Variants in SLC6A5 observed in about 807,000 individuals in gnomAD.
SLC6A5 encodes solute carrier family 6 member 5.
In SLC6A5, 58 loss-of-function variants were observed where a neutral mutation model predicts 90.5. The ratio of observed to expected loss-of-function variants is 0.64; its 90% CI spans 0.52 to 0.80. The LOEUF is 0.80. SLC6A5 is among the 30% of genes least tolerant of loss of function. The pLI, the probability that SLC6A5 is intolerant of heterozygous loss-of-function variation, is 0.00. For synonymous variants in SLC6A5, 427 were observed against 401.4 expected, an observed-to-expected ratio of 1.06 and a Z score of -0.76; for missense variants, 1,015 against 1,017.6, an observed-to-expected ratio of 1.00 and a Z score of 0.03.
intron 8 of SLC6A5, among the ~76,000 whole-genome samples, 162 bp downstream of exon 8, chr11:20,627,004 A>G (rs2133798892): frequency 6.6e-6 from 1 of 152,288 alleles, no homozygotes; most frequent in East Asian, 1.9e-4. Context: ...TTTAATGAGA[A>G]GTGGACAACT....
rs536044398 is a variant in SLC6A5, at chr11:20,655,818, T to C, written c.*950T>C. On this transcript the variant is annotated 3_prime_UTR_variant, in exon 16 of 16. Coordinates refer to ENST00000525748, the MANE Select transcript of SLC6A5 (RefSeq NM_004211.5). Reference sequence around the variant, plus strand: ...TGGTTCTGTCTATATATTATATATATAGGACACATGCTCTTAAAAGACAGA... The same window carrying C: ...TGGTTCTGTCTATATATTATATATACAGGACACATGCTCTTAAAAGACAGA... The C allele has an allele frequency of 1.3e-5, 2 of 152,342 alleles. No homozygotes were observed. Among genetic ancestry groups the C allele is most frequent in the Non-Finnish European group, 1.5e-5 (1 of 68,020 alleles). 9.4% of individuals were successfully genotyped at this position (152,342 alleles called of 1,614,324 possible).
chr11:20,646,729 C>A (rs1853421989), intron 13 of SLC6A5, 105 bp from the exon 14 acceptor site: 1 of 786,106 alleles, frequency 1.3e-6, no homozygotes, highest in Admixed American at 1.9e-5. Context: ...CTGGGGCCAG[C>A]CCTAGCCAAT....
intron 10 of SLC6A5, among the ~76,000 whole-genome samples, chr11:20,632,425 G>A (rs1007976010): frequency 2.0e-5 from 3 of 152,192 alleles, no homozygotes; most frequent in Admixed American, 6.5e-5. Context: ...TGTTTATCTG[G>A]TGTGTAAAAT....
chr11:20,612,228 A>G (rs1357309813), intron 5 of SLC6A5, among the ~76,000 whole-genome samples: 1 of 152,068 alleles, frequency 6.6e-6, no homozygotes, highest in African/African-American at 2.4e-5. Context: ...GACTAGAGAT[A>G]CTCTCTCCAG....
intron 14 of SLC6A5, among the ~76,000 whole-genome samples, chr11:20,649,692 A>G (rs926670446): frequency 6.6e-6 from 1 of 151,810 alleles, no homozygotes; most frequent in Non-Finnish European, 1.5e-5. Context: ...ATGGATTTAT[A>G]GAGCTATAAA....
At chr11:20,602,592 G>C (rs1194611458) in intron 2 of SLC6A5, among the ~76,000 whole-genome samples, 1 of 152,056 alleles carries the variant, frequency 6.6e-6, no homozygotes, top group Non-Finnish European at 1.5e-5. Context: ...GGCCTCAGGG[G>C]CTATGCATAT....
intron 3 of SLC6A5, among the ~76,000 whole-genome samples, chr11:20,606,344 T>C (rs1852580840): frequency 2.0e-5 from 3 of 152,020 alleles, no homozygotes. Context: ...TGGAGAAAGG[T>C]ACTGTGGGAG....
Position 20,647,029 on chromosome 11 carries a change from A to T in SLC6A5, c.2070+95A>T, listed in dbSNP as rs1853429709. The stretch of plus-strand genomic sequence containing the variant: ...AGTGCATGCCTGTTTACATTTGAAC[A>T]GTGTGTGAGCCTGGGAGCTGGTAGG... On this transcript the variant is annotated intron_variant, in intron 14 of 15. Transcript: ENST00000525748. 3.4e-6 allele frequency: 3 copies of T among 880,898 alleles called. No individual in the cohort carries two copies. In the South Asian group the frequency reaches 4.0e-5, roughly 12 times the overall value. 54.6% of individuals were successfully genotyped at this position (880,898 alleles called of 1,614,324 possible).
rs1359906841 is a variant in SLC6A5, at chr11:20,635,408, C to G, written c.1625-899C>G. On this transcript the variant is annotated intron_variant, in intron 10 of 15. Transcript: ENST00000525748. ...CATGATGTTTCATGCGCCGCCCCCCCGCAACCCGACTAACTACTAGGACTG... is the reference window on the plus strand; with the variant it reads ...CATGATGTTTCATGCGCCGCCCCCCGGCAACCCGACTAACTACTAGGACTG... Among the ~76,000 whole-genome samples, 7 of 152,044 alleles carry G rather than the reference C, an allele frequency of 4.6e-5. No homozygotes were observed. In the East Asian group the frequency reaches 1.2e-3, roughly 25 times the overall value.
At chr11:20,648,622 A>G (rs1048605897) in intron 14 of SLC6A5, among the ~76,000 whole-genome samples, 1 of 152,206 alleles carries the variant, frequency 6.6e-6, no homozygotes, top group Non-Finnish European at 1.5e-5. Flanking sequence ...ACAGACTCAC[A>G]GGCCTCCGGT....
At chr11:20,618,741 AC>A (rs1306505995) in intron 7 of SLC6A5, among the ~76,000 whole-genome samples, 1 of 151,954 alleles carries the variant, frequency 6.6e-6, no homozygotes, top group Non-Finnish European at 1.5e-5. Context: ...GTTCGAGACC[AC>A]CCTGGCCAAC....
Position 20,615,400 on chromosome 11 carries a change from G to A in SLC6A5, c.1127+580G>A, listed in dbSNP as rs12420100. 6.8e-3 allele frequency among the ~76,000 whole-genome samples: 1,025 copies of A among 151,506 alleles called. 36 individuals are homozygous for A. Among genetic ancestry groups the A allele is most frequent in the Admixed American group, 0.047 (714 of 15,196 alleles). ...TTTTTTTCTTTTGAGATGGAGTCTC[G>A]CTCTGTTGCCCAGGCTGGAGTGCAG... On this transcript the variant is annotated intron_variant, in intron 6 of 15. Transcript: ENST00000525748.
intron 11 of SLC6A5, 118 bp downstream of exon 11, chr11:20,636,537 C>T: frequency 1.4e-6 from 1 of 733,476 alleles, no homozygotes; most frequent in South Asian, 1.5e-5. Context: ...AATGTTTCTC[C>T]CGAGAGATCT....
chr11:20,638,261 T>A (rs1007630153), intron 12 of SLC6A5, among the ~76,000 whole-genome samples, 198 bp from the exon 13 acceptor site: 1 of 152,216 alleles, frequency 6.6e-6, no homozygotes, highest in Admixed American at 6.5e-5. Flanking sequence ...GTTGAGGAAC[T>A]GCTTTGCTGA....
At chr11:20,633,288 A>G (rs972938484) in intron 10 of SLC6A5, among the ~76,000 whole-genome samples, 1 of 152,186 alleles carries the variant, frequency 6.6e-6, no homozygotes, top group Non-Finnish European at 1.5e-5. Flanking sequence ...TAACCGGAGC[A>G]CTAGAAATAC....
intron 3 of SLC6A5, among the ~76,000 whole-genome samples, chr11:20,606,702 T>G (rs1852588362): frequency 6.6e-6 from 1 of 152,048 alleles, no homozygotes; most frequent in African/African-American, 2.4e-5. Flanking sequence ...TTTGGGAAAC[T>G]GAAGTGCTAT....
At chr11:20,646,700 A>G (rs1853421422) in intron 13 of SLC6A5, 134 bp from the exon 14 acceptor site, 2 of 707,618 alleles carry the variant, frequency 2.8e-6, no homozygotes, top group African/African-American at 3.5e-5. Context: ...TGCATAATAG[A>G]GGTCATGTTG....
chr11:20,634,055 A>G (rs1374354586), intron 10 of SLC6A5, among the ~76,000 whole-genome samples: 1 of 152,176 alleles, frequency 6.6e-6, no homozygotes, highest in Non-Finnish European at 1.5e-5. Context: ...TATTTTTAGT[A>G]GAGACGGGGT....
rs375325745 is a variant in SLC6A5 at position 20,654,482 on chromosome 11, G to T, written c.2239-231G>T. Among the ~76,000 whole-genome samples, 6 of 152,168 alleles carry T rather than the reference G, an allele frequency of 3.9e-5. No individual in the cohort carries two copies. The East Asian group carries it at 5.8e-4, about 15-fold the overall frequency. On this transcript the variant is annotated intron_variant, in intron 15 of 15. Transcript: ENST00000525748. ...GAGCAATTGCAATATTGCTTGCAGG[G>T]TGATGTAAATAATTTCAAGTGAACC...
Sources: gnomAD v4.1 joint callset for allele counts (sites outside exome capture counted in the v4.1 genomes callset) on GRCh38, gnomAD v4.1.1 for gene constraint, MANE v1.5 for transcripts, NCBI Gene and HGNC (gene_info 2026-07-23, HGNC 2026-07-21) for gene names.